The following DMD variants were observed in gnomAD, a reference collection of about 807,000 sequenced individuals.
DMD encodes dystrophin.
In DMD, 63 loss-of-function variants were observed where a neutral mutation model predicts 330.1. The observed-to-expected ratio is 0.19, with a 90% CI of 0.16 to 0.24. DMD has a LOEUF of 0.24. DMD is among the 10% of genes least tolerant of loss of function. The pLI is 1.00. For missense variants in DMD, 3,344 were observed against 2,684.1 expected (o/e 1.25, Z -5.43); for synonymous variants, 1,223 against 959.8 (o/e 1.27, Z -5.07).
At chrX:33,338,123 T>A (rs2054281325) in intron 1 of DMD, among the ~76,000 whole-genome samples, 1 of 111,952 alleles carries the variant, frequency 8.9e-6, no homozygotes, top group African/African-American at 3.2e-5. Flanking sequence ...ACTTGTTAAA[T>A]GTTTGAATGT....
chrX:32,456,691 C>T (rs1454088086), intron 25 of DMD, among the ~76,000 whole-genome samples: 1 of 105,690 alleles, frequency 9.5e-6, no homozygotes, highest in Non-Finnish European at 1.9e-5. Context: ...AAGGCAAAAA[C>T]GACAGCATTT....
At chrX:32,571,538 A>G (rs928335698) in intron 15 of DMD, among the ~76,000 whole-genome samples, 3 of 111,422 alleles carry the variant, frequency 2.7e-5, no homozygotes, top group Non-Finnish European at 5.7e-5. Flanking sequence ...GTTTCACTTA[A>G]TGTGTCACTC....
At chrX:32,588,622 A>C (rs2149228525) in intron 13 of DMD, among the ~76,000 whole-genome samples, 1 of 111,997 alleles carries the variant, frequency 8.9e-6, no homozygotes, top group African/African-American at 3.2e-5. Flanking sequence ...ACGATTAAAC[A>C]GGCTCTTGGG....
chrX:32,979,790 T>G (rs758297168), intron 2 of DMD, among the ~76,000 whole-genome samples: 1 of 111,518 alleles, frequency 9.0e-6, no homozygotes, highest in African/African-American at 3.3e-5. Context: ...ATTGTGGGTT[T>G]GGGTCCTTTA....
rs773666770 is a variant in DMD at position 32,672,816 on chromosome X, G to A, written c.960+25054C>T. ...GGGAAAGAAATAACTACCTGGCATA[G>A]ATAACGGAAGAGTGAAGAGCCAAAA... On this transcript the variant is annotated intron_variant, in intron 9 of 78. Transcript: ENST00000357033. 8.1e-5 allele frequency among the ~76,000 whole-genome samples: 9 copies of A among 110,836 alleles called. No homozygotes were observed. The East Asian group carries it at 2.0e-3, about 24-fold the overall frequency.
At chrX:32,807,122 T>TAAAAAAAAAAAAAAA (rs999286386) in intron 7 of DMD, among the ~76,000 whole-genome samples, 3 of 20,743 alleles carry the variant, frequency 1.4e-4, no homozygotes, top group African/African-American at 2.2e-4. Flanking sequence ...CGGAAACATT[T>TAAAAAAAAAAAAAAA]AAAAAAAAAA....
chrX:32,644,130 A>C lies in DMD; in HGVS notation c.1331+2T>G, dbSNP rs1465804141. On this transcript the variant is annotated splice_donor_variant, in intron 11 of 78. Coordinates refer to ENST00000357033, the MANE Select transcript of DMD (RefSeq NM_004006.3). LOFTEE classifies it high-confidence loss of function. ...CTTAATTAAAAACAAATAAGGACTT[A>C]CTTGCTTTGTTTTTCCATGCTAGCT... is the stretch of plus-strand genomic sequence containing the variant. The C allele has an allele frequency of 8.3e-7, 1 of 1,201,976 alleles. No individual in the cohort carries two copies. The highest frequency in any genetic ancestry group is 1.1e-6 in the Non-Finnish European group (1 of 888,160).
intron 2 of DMD, among the ~76,000 whole-genome samples, chrX:32,897,434 T>C (rs1262525561): frequency 9.0e-6 from 1 of 111,520 alleles, no homozygotes; most frequent in Non-Finnish European, 1.9e-5. Context: ...ATCTATGACA[T>C]TAGGAGAGTC....
chrX:31,266,993 CG>C lies in DMD; in HGVS notation c.9225-5978del, dbSNP rs963543554. On this transcript the variant is annotated intron_variant, in intron 62 of 78. Coordinates refer to ENST00000357033, the MANE Select transcript of DMD (RefSeq NM_004006.3). ...CGGGCGGGCCGGGGAGGGGGCGCTG[CG>C]GGCAGACGGGGCGGGGCCGTGTCGG... The C allele has an allele frequency of 4.3e-5, 35 of 812,860 alleles. No individual in the cohort carries two copies. In the Admixed American group the frequency reaches 6.5e-4, roughly 15 times the overall value. The allele number at this position is 812,860 out of a possible 1,213,427, so 67.0% of individuals were successfully genotyped here.
intron 43 of DMD, among the ~76,000 whole-genome samples, chrX:32,282,592 A>G (rs2097424509): frequency 8.9e-6 from 1 of 111,994 alleles, no homozygotes; most frequent in Non-Finnish European, 1.9e-5. Flanking sequence ...TTGAAATTCT[A>G]TTTGCTGAAA....
rs747841607 is a variant in DMD at position 31,672,013 on chromosome X, T to C, written c.7872+7362A>G. ...GCTTAGGCTACTGATTTCAGATCTT[T>C]TTCCTTTTTAAATATAGGTATTTAT... On this transcript the variant is annotated intron_variant, in intron 53 of 78. Coordinates refer to ENST00000357033, the MANE Select transcript of DMD (RefSeq NM_004006.3). Among the ~76,000 whole-genome samples the C allele has an allele frequency of 2.9e-3, 328 of 112,213 alleles. 1 individual carries two copies. Among genetic ancestry groups the C allele is most frequent in the Non-Finnish European group, 4.5e-3 (241 of 53,202 alleles).
intron 60 of DMD, among the ~76,000 whole-genome samples, chrX:31,377,772 C>T (rs1014855603): frequency 3.6e-5 from 4 of 111,877 alleles, no homozygotes; most frequent in African/African-American, 9.7e-5. Context: ...GTGACCTGCA[C>T]GTATACATCC....
chrX:32,006,896 T>C (rs772053359), intron 44 of DMD, among the ~76,000 whole-genome samples: 2 of 108,794 alleles, frequency 1.8e-5, no homozygotes, highest in Middle Eastern at 9.5e-3. Flanking sequence ...CATAAAAAAA[T>C]GATGAGTTCA....
chrX:31,449,353 G>GGCCC (rs1348829229), intron 59 of DMD, among the ~76,000 whole-genome samples: 1 of 110,906 alleles, frequency 9.0e-6, no homozygotes. Flanking sequence ...CAGTGTTGAG[G>GGCCC]GCCCACTTGA....
intron 7 of DMD, among the ~76,000 whole-genome samples, chrX:32,803,093 G>A (rs1042755003): frequency 9.0e-6 from 1 of 111,528 alleles, no homozygotes; most frequent in Admixed American, 9.6e-5. Context: ...AATCTGTCTG[G>A]TCCTGGGCTT....
intron 2 of DMD, among the ~76,000 whole-genome samples, chrX:32,873,077 C>T (rs1457302298): frequency 9.0e-6 from 1 of 111,210 alleles, no homozygotes; most frequent in East Asian, 2.8e-4. Context: ...ACCCAGCCTC[C>T]GATTCTTTTA....
At chrX:32,293,917 G>A (rs748761764) in intron 42 of DMD, among the ~76,000 whole-genome samples, 1 of 111,835 alleles carries the variant, frequency 8.9e-6, no homozygotes, top group East Asian at 2.8e-4. Context: ...CGTATCTCTA[G>A]TATTATTTCT....
At chrX:33,031,111 G>A (rs909898867) in intron 1 of DMD, among the ~76,000 whole-genome samples, 2 of 110,456 alleles carry the variant, frequency 1.8e-5, no homozygotes, top group Admixed American at 9.6e-5. Flanking sequence ...TATAGTGAAC[G>A]GATTCTGTGG....
At chrX:32,774,326 TC>T (rs1448250638) in intron 7 of DMD, among the ~76,000 whole-genome samples, 2 of 112,090 alleles carry the variant, frequency 1.8e-5, no homozygotes, top group Non-Finnish European at 3.8e-5. Context: ...GCTGTTTAAG[TC>T]CACAGTCAAT....
Sources: allele counts gnomAD v4.1 joint callset (sites outside exome capture counted in the v4.1 genomes callset), GRCh38; gene constraint gnomAD v4.1.1; transcripts MANE v1.5; gene names NCBI Gene and HGNC (gene_info 2026-07-23, HGNC 2026-07-21).